NXN: variants seen among roughly 807,000 people sequenced by gnomAD.
The protein encoded by NXN is nucleoredoxin, also known as nucleoredoxin 1.
NXN carries 16 observed loss-of-function variants against 48.6 expected under a neutral mutation model. The ratio of observed to expected loss-of-function variants is 0.33; its 90% CI spans 0.22 to 0.50. NXN has a LOEUF of 0.50. Ranked by LOEUF, NXN falls within the 20% of genes least tolerant of loss-of-function variation. The pLI, the probability that NXN is intolerant of heterozygous loss-of-function variation, is 0.98. For synonymous variants in NXN, 281 were observed against 269.6 expected (o/e 1.04, Z -0.41); for missense variants, 492 against 605.5 (o/e 0.81, Z 1.97).
intron 1 of NXN, among the ~76,000 whole-genome samples, chr17:897,823 C>A (rs968155453): frequency 2.8e-4 from 42 of 152,254 alleles, no homozygotes; most frequent in African/African-American, 7.0e-4. Context: ...CTACAGGTGC[C>A]CGCCACCACG....
At chr17:869,602 C>T (rs529857932) in intron 1 of NXN, among the ~76,000 whole-genome samples, 2 of 152,336 alleles carry the variant, frequency 1.3e-5, no homozygotes, top group Non-Finnish European at 2.9e-5. Flanking sequence ...CTGTAAGAAT[C>T]GCTGACATAT....
In NXN at chr17:823,673, G is replaced by A. The variant is rs781215903; in HGVS notation, c.571C>T (p.Leu191=). 4 of 1,614,148 alleles carry A rather than the reference G, an allele frequency of 2.5e-6. No individual in the cohort carries two copies. The highest frequency in any genetic ancestry group is 3.4e-6 in the Non-Finnish European group (4 of 1,180,032). The change falls in exon 3 of 8, where the codon CTG becomes TTG. Residue 191 remains leucine, a synonymous_variant. Transcript: ENST00000336868. ...TAGACGCCCACGTGAGACCCCTCCA[G>A]GCTGCTGCTCTCCAGAGACTGCCCA... ...NNGQSLESSS[L]EGSHVGVYFS...
At chr17:842,158 T>C (rs1181748109) in intron 1 of NXN, among the ~76,000 whole-genome samples, 1 of 151,722 alleles carries the variant, frequency 6.6e-6, no homozygotes, top group Non-Finnish European at 1.5e-5. Context: ...AAAAACCTGC[T>C]CGACACCCTT....
At position 896,797 on chromosome 17, in the gene NXN, A is replaced by G. The variant is rs376257044; in HGVS notation, c.361-70719T>C. On this transcript the variant is annotated intron_variant, in intron 1 of 7. Transcript: ENST00000336868. ...TCAAAGCTTCCCTAAATTCTCTACAATAGACACTTGAACCTCTGCAGATCT... is the reference window on the plus strand; with the variant it reads ...TCAAAGCTTCCCTAAATTCTCTACAGTAGACACTTGAACCTCTGCAGATCT... 478 of 1,068,164 alleles carry G rather than the reference A, an allele frequency of 4.5e-4. 2 individuals carry two copies. The South Asian group carries it at 7.9e-3, about 18-fold the overall frequency. The allele number at this position is 1,068,164 out of a possible 1,614,324, so 66.2% of individuals were successfully genotyped here.
chr17:961,889 C>A (rs2069241727), intron 1 of NXN, among the ~76,000 whole-genome samples: 1 of 152,188 alleles, frequency 6.6e-6, no homozygotes, highest in Admixed American at 6.5e-5. Flanking sequence ...AATCCCAACA[C>A]TTTGCCAGGT....
intron 6 of NXN, 31 bp downstream of exon 6, chr17:805,037 C>A: frequency 6.5e-7 from 1 of 1,543,510 alleles, no homozygotes. Context: ...CCCCAGCCAC[C>A]CCTCGCCCCC....
intron 1 of NXN, among the ~76,000 whole-genome samples, chr17:973,685 AT>A (rs889547744): frequency 5.3e-4 from 79 of 148,606 alleles, no homozygotes; most frequent in African/African-American, 1.5e-3. Context: ...TTTTTATTTA[AT>A]TTTTTTTTTC....
chr17:862,011 G>T (rs1006116738), intron 1 of NXN, among the ~76,000 whole-genome samples: 2 of 151,786 alleles, frequency 1.3e-5, no homozygotes, highest in African/African-American at 4.8e-5. Context: ...TTGTATTTTT[G>T]ATGGAGACGG....
chr17:876,249 G>GAAGAA (rs572383467), intron 1 of NXN, among the ~76,000 whole-genome samples: 1,874 of 150,172 alleles, frequency 0.012, 27 homozygotes, highest in East Asian at 0.058. Flanking sequence ...GAAGAGAAGA[G>GAAGAA]AAGAAAAGAA....
chr17:833,047 C>A (rs1345680508), intron 1 of NXN, among the ~76,000 whole-genome samples: 1 of 152,060 alleles, frequency 6.6e-6, no homozygotes, highest in Non-Finnish European at 1.5e-5. Flanking sequence ...CCTGCCACCA[C>A]GCCCAGCTAA....
chr17:950,331 G>A (rs2069094816), intron 1 of NXN, among the ~76,000 whole-genome samples: 1 of 152,196 alleles, frequency 6.6e-6, no homozygotes, highest in Non-Finnish European at 1.5e-5. Flanking sequence ...GTACAGAGAT[G>A]AAGAACTTTA....
chr17:877,986 A>G (rs2068236055), intron 1 of NXN: 1 of 152,186 alleles, frequency 6.6e-6, no homozygotes, highest in South Asian at 2.1e-4. Context: ...ACAGGGCTCT[A>G]ATTCGTGACA....
intron 1 of NXN, among the ~76,000 whole-genome samples, chr17:844,624 A>G (rs1000725916): frequency 1.3e-5 from 2 of 151,554 alleles, no homozygotes; most frequent in Non-Finnish European, 2.9e-5. Context: ...TCCTTCTGTC[A>G]CCCAGGCTGG....
At chr17:828,362 A>C (rs371561453) in intron 1 of NXN, among the ~76,000 whole-genome samples, 2,034 of 125,448 alleles carry the variant, frequency 0.016, 51 homozygotes, top group African/African-American at 0.057. Context: ...CCTCGGCCTC[A>C]CAAAGTGCTG....
Position 820,922 on chromosome 17 carries a change from T to TA in NXN, c.714-1378dup, listed in dbSNP as rs760861259. On this transcript the variant is annotated intron_variant, in intron 4 of 7. Coordinates refer to ENST00000336868, the MANE Select transcript of NXN (RefSeq NM_022463.5). ...CTAGGCAACAGAGCGAGACTCCACC[T>TA]AAAAAAAAAAAAAAAAACAAAAAAA... Among the ~76,000 whole-genome samples the TA allele has an allele frequency of 7.4e-3, 182 of 24,444 alleles. 48 individuals carry two copies. The highest frequency in any genetic ancestry group is 0.042 in the Middle Eastern group (2 of 48). 16.0% of individuals were successfully genotyped at this position (24,444 alleles called of 152,430 possible). A position where few individuals can be genotyped will look rare whatever the true frequency, so the allele number is the denominator to read the frequency against.
At chr17:833,585 G>A (rs952213968) in intron 1 of NXN, among the ~76,000 whole-genome samples, 13 of 151,562 alleles carry the variant, frequency 8.6e-5, no homozygotes, top group African/African-American at 3.1e-4. Flanking sequence ...AGACAGTTTT[G>A]AGGACAAAAG....
intron 4 of NXN, among the ~76,000 whole-genome samples, chr17:820,393 T>G (rs497469): frequency 2.6e-5 from 4 of 151,328 alleles, no homozygotes; most frequent in Non-Finnish European, 5.9e-5. Context: ...AGGTGAATCA[T>G]GAGGTCAAGA....
intron 4 of NXN, 31 bp downstream of exon 4, chr17:822,326 A>G (rs1912861761): frequency 6.7e-7 from 1 of 1,489,078 alleles, no homozygotes; most frequent in African/African-American, 1.4e-5. Flanking sequence ...ACCTACAGAA[A>G]AGGGGCCCAG....
intron 1 of NXN, among the ~76,000 whole-genome samples, chr17:880,543 T>A (rs1365622632): frequency 6.6e-6 from 1 of 152,156 alleles, no homozygotes; most frequent in African/African-American, 2.4e-5. Flanking sequence ...TTAAAAAAGA[T>A]CGTTTGAACC....
Sources: gnomAD v4.1 joint callset for allele counts (sites outside exome capture counted in the v4.1 genomes callset) on GRCh38, gnomAD v4.1.1 for gene constraint, MANE v1.5 for transcripts, NCBI Gene and HGNC (gene_info 2026-07-23, HGNC 2026-07-21) for gene names.